Variants in AXL observed in about 807,000 individuals in gnomAD.
AXL encodes the protein AXL receptor tyrosine kinase.
Under a neutral mutation model 104.5 loss-of-function variants are expected in AXL, and 52 were observed. That is an observed-to-expected ratio of 0.50 (90% CI 0.40 to 0.63). AXL has a LOEUF of 0.63. Ranked by LOEUF, AXL falls within the 20% of genes least tolerant of loss-of-function variation. The pLI is 0.00. For missense variants in AXL, 1,024 were observed against 1,188.5 expected (o/e 0.86, Z 2.04); for synonymous variants, 455 against 473.7 (o/e 0.96, Z 0.51).
intron 12 of AXL, among the ~76,000 whole-genome samples, chr19:41,245,640 G>A (rs2034258722): frequency 6.6e-6 from 1 of 151,848 alleles, no homozygotes; most frequent in African/African-American, 2.4e-5. Context: ...CTTGAACCTG[G>A]GAGGCGGAGG....
At position 41,238,044 on chromosome 19, in the gene AXL, G is replaced by A. The variant is rs199988157; in HGVS notation, c.884G>A (p.Arg295Gln). The A allele has an allele frequency of 1.4e-5, 23 of 1,613,270 alleles. No homozygotes were observed. In the East Asian group the frequency reaches 3.8e-4, roughly 27 times the overall value. Reference sequence around the variant, plus strand: ...GCATCCGTGCCCCCCCATCAGCTTCGGCTAGGCAGCCTCCATCCTCACACC... The same window carrying A: ...GCATCCGTGCCCCCCCATCAGCTTCAGCTAGGCAGCCTCCATCCTCACACC... ...SQASVPPHQLRLGSLHPHTPY... is the reference protein window; with the variant it reads ...SQASVPPHQLQLGSLHPHTPY... Residue 295 changes from arginine to glutamine, a missense_variant, in exon 7 of 20, where the codon CGG becomes CAG. This residue lies in a region of AXL where 332 missense variants were observed against 343.9 expected (regional missense o/e 0.97). Coordinates refer to ENST00000301178, the MANE Select transcript of AXL (RefSeq NM_021913.5).
chr19:41,246,689 T>C (rs1427118136), intron 12 of AXL, among the ~76,000 whole-genome samples: 1 of 149,934 alleles, frequency 6.7e-6, no homozygotes, highest in Admixed American at 6.6e-5. Context: ...CACTCTAGCC[T>C]AGGCAACAGA....
At chr19:41,251,731 A>G (rs1319530116) in intron 14 of AXL, among the ~76,000 whole-genome samples, 1 of 151,972 alleles carries the variant, frequency 6.6e-6, no homozygotes, top group African/African-American at 2.4e-5. Context: ...AAAAATAAAA[A>G]ACAAAAACAA....
intron 4 of AXL, among the ~76,000 whole-genome samples, chr19:41,227,561 C>T (rs1414359459): frequency 6.6e-6 from 1 of 151,096 alleles, no homozygotes; most frequent in African/African-American, 2.4e-5. Flanking sequence ...CCTTGGCTCA[C>T]TGCAACCTCC....
chr19:41,220,594 G>T, intron 1 of AXL, 42 bp from the exon 2 acceptor site: 1 of 1,517,598 alleles, frequency 6.6e-7, no homozygotes, highest in South Asian at 1.2e-5. Context: ...GCCGGAAGGA[G>T]CTGGGGGGTT....
chr19:41,253,081 C>A, intron 16 of AXL, 114 bp downstream of exon 16: 1 of 1,167,438 alleles, frequency 8.6e-7, no homozygotes, highest in Non-Finnish European at 1.2e-6. Context: ...TCTCCTGGAG[C>A]ATTTCTTCCA....
chr19:41,228,122 G>T (rs142695129), intron 4 of AXL, among the ~76,000 whole-genome samples: 13 of 152,286 alleles, frequency 8.5e-5, no homozygotes, highest in African/African-American at 2.9e-4. Flanking sequence ...TTTGTGTTGG[G>T]TATCTCTGTG....
At chr19:41,250,508 C>T (rs920790432) in intron 14 of AXL, among the ~76,000 whole-genome samples, 1 of 152,018 alleles carries the variant, frequency 6.6e-6, no homozygotes, top group Non-Finnish European at 1.5e-5. Flanking sequence ...AGTGGCATGA[C>T]CTCAGCTAAC....
chr19:41,227,632 C>G (rs894329873), intron 4 of AXL, among the ~76,000 whole-genome samples: 2 of 151,874 alleles, frequency 1.3e-5, no homozygotes, highest in Non-Finnish European at 2.9e-5. Context: ...ATTACAGGCA[C>G]GCGCCACCAT....
intron 17 of AXL, 106 bp from the exon 18 acceptor site, chr19:41,256,346 C>G: frequency 7.3e-7 from 1 of 1,362,512 alleles, no homozygotes; most frequent in Non-Finnish European, 1.0e-6. Flanking sequence ...CCACCCGCAG[C>G]CAGGACAGTG....
intron 17 of AXL, 107 bp from the exon 18 acceptor site, chr19:41,256,345 G>C: frequency 7.4e-7 from 1 of 1,350,914 alleles, no homozygotes; most frequent in East Asian, 2.3e-5. Context: ...CCCACCCGCA[G>C]CCAGGACAGT....
At chr19:41,257,279 G>A (rs1428517553) in intron 18 of AXL, among the ~76,000 whole-genome samples, 3 of 152,064 alleles carry the variant, frequency 2.0e-5, no homozygotes, top group African/African-American at 7.2e-5. Flanking sequence ...CCTGACCTCA[G>A]GCAGTCCGCC....
chr19:41,233,281 C>T lies in AXL; in HGVS notation c.783+1983C>T, dbSNP rs571608891. Among the ~76,000 whole-genome samples the T allele has an allele frequency of 1.6e-4, 25 of 152,124 alleles. 2 individuals carry two copies. The South Asian group carries it at 4.4e-3, about 27-fold the overall frequency. ...CTGGGATTACAGGCGTGAGGCACCG[C>T]GCTGGGCCCTGAGAAAATGTTTAGA... On this transcript the variant is annotated intron_variant, in intron 6 of 19. Coordinates refer to ENST00000301178, the MANE Select transcript of AXL (RefSeq NM_021913.5).
At chr19:41,258,510 G>GT (rs2034488102) in intron 19 of AXL, among the ~76,000 whole-genome samples, 2 of 152,346 alleles carry the variant, frequency 1.3e-5, no homozygotes, top group African/African-American at 4.8e-5. Flanking sequence ...AACCTCCCAG[G>GT]TTCTAGCGAT....
At chr19:41,221,086 C>A in intron 2 of AXL, 60 bp from the exon 3 acceptor site, 6 of 1,491,912 alleles carry the variant, frequency 4.0e-6, no homozygotes, top group Admixed American at 1.8e-5. Context: ...TTCTGACAGA[C>A]CCCCTCCCAG....
intron 19 of AXL, among the ~76,000 whole-genome samples, chr19:41,258,987 G>A (rs191323583): frequency 1.3e-4 from 20 of 152,234 alleles, no homozygotes; most frequent in East Asian, 3.9e-4. Flanking sequence ...GCTTCAGTTC[G>A]TTGCCATGTG....
chr19:41,242,262 A>G (rs1008113767), intron 10 of AXL, among the ~76,000 whole-genome samples: 1 of 150,566 alleles, frequency 6.6e-6, no homozygotes, highest in African/African-American at 2.5e-5. Context: ...TTGAACCCTG[A>G]ACCCTCAGGT....
Position 41,253,023 on chromosome 19 carries a change from C to T in AXL, c.1926+56C>T, listed in dbSNP as rs1035759663. The T allele has an allele frequency of 3.8e-6, 6 of 1,589,326 alleles. No individual in the cohort carries two copies. The African/African-American group carries it at 8.1e-5, about 21-fold the overall frequency. On this transcript the variant is annotated intron_variant, in intron 16 of 19. Transcript: ENST00000301178. ...ATATTAACTGAGCATCTATCAGGTACCCAGTGCTGCTCAGACCCTGGGAAG... is the reference window on the plus strand; with the variant it reads ...ATATTAACTGAGCATCTATCAGGTATCCAGTGCTGCTCAGACCCTGGGAAG...
intron 4 of AXL, among the ~76,000 whole-genome samples, chr19:41,226,442 G>T (rs1389509616): frequency 6.6e-6 from 1 of 152,218 alleles, no homozygotes; most frequent in Non-Finnish European, 1.5e-5. Flanking sequence ...CGCGGAGGCT[G>T]CGGGAGCGGG....
Sources: gnomAD v4.1 joint callset for allele counts (sites outside exome capture counted in the v4.1 genomes callset) on GRCh38, gnomAD v4.1.1 for gene constraint, gnomAD v4.1.1 regional missense constraint, MANE v1.5 for transcripts, NCBI Gene and HGNC (gene_info 2026-07-23, HGNC 2026-07-21) for gene names.